Variants in SPICE1 observed in about 807,000 individuals in gnomAD.
SPICE1 encodes spindle and centriole-associated protein 1.
SPICE1 carries 75 observed loss-of-function variants against 102.7 expected under a neutral mutation model. The observed-to-expected ratio is 0.73, with a 90% CI of 0.61 to 0.88. The LOEUF (loss-of-function observed/expected upper bound fraction) is 0.88, where lower values mean the gene tolerates loss of function less well. Among genes scored for constraint, SPICE1 ranks in the 40% least tolerant of loss-of-function variants. The pLI is 0.00. For synonymous variants in SPICE1, 308 were observed against 350.3 expected (o/e 0.88, Z 1.35); for missense variants, 979 against 1,020.1 (o/e 0.96, Z 0.55).
Position 113,499,513 on chromosome 3 carries a change from A to G in SPICE1, c.217T>C (p.Leu73=). The G allele has an allele frequency of 6.2e-7, 1 of 1,613,296 alleles. No homozygotes were observed. The highest frequency in any genetic ancestry group is 8.5e-7 in the Non-Finnish European group (1 of 1,179,776). The change falls in exon 4 of 18, where the codon TTG becomes CTG. Residue 73 remains leucine, a synonymous_variant. Coordinates refer to ENST00000295872, the MANE Select transcript of SPICE1 (RefSeq NM_144718.4). The part of the protein sequence containing the change: ...LVHWELQEKA[L]KRKWRKQKPE... The stretch of plus-strand genomic sequence containing the variant: ...TTCTGCTTCCTCCATTTTCTCTTCA[A>G]AGCTTTTTCTTGGAGTTCCCAGTGT...
At chr3:113,495,221 T>C (rs1157236969) in intron 4 of SPICE1, among the ~76,000 whole-genome samples, 3 of 152,200 alleles carry the variant, frequency 2.0e-5, no homozygotes, top group Non-Finnish European at 4.4e-5. Flanking sequence ...CAGATGGCAT[T>C]CTCAAGTTAA....
chr3:113,496,419 A>AC (rs1936886578), intron 4 of SPICE1, among the ~76,000 whole-genome samples: 1 of 108,548 alleles, frequency 9.2e-6, no homozygotes, highest in Non-Finnish European at 1.9e-5. Context: ...CCCAGTCTCT[A>AC]CAAAAAAAAA....
intron 1 of SPICE1, among the ~76,000 whole-genome samples, chr3:113,511,840 T>C (rs1039380577): frequency 6.6e-6 from 1 of 152,058 alleles, no homozygotes; most frequent in African/African-American, 2.4e-5. Context: ...AGAAAGTATA[T>C]AGCTCAAAGT....
chr3:113,446,441 A>T (rs4619761), intron 17 of SPICE1, 148 bp downstream of exon 17: 53,263 of 677,954 alleles, frequency 0.079, 2,613 homozygotes, highest in Admixed American at 0.11. Flanking sequence ...TGTTTTTCCT[A>T]AAAAGGTAAA....
chr3:113,472,995 A>G (rs1936244580), intron 7 of SPICE1, among the ~76,000 whole-genome samples: 1 of 152,222 alleles, frequency 6.6e-6, no homozygotes, highest in Non-Finnish European at 1.5e-5. Context: ...TCCGAGCTAC[A>G]GGAGGAAATT....
Position 113,489,002 on chromosome 3 carries a change from TCA to T in SPICE1, c.552_553del (p.Ser184ArgfsTer3). On this transcript the variant is annotated frameshift_variant, in exon 7 of 18. Transcript: ENST00000295872. LOFTEE classifies it high-confidence loss of function. The stretch of plus-strand genomic sequence containing the variant: ...AGAGTTATCCAACTCATTCTCATTC[TCA>T]CTTTCTCCTGACTGGCTATTAACAG... 6.2e-7 allele frequency: 1 copy of T among 1,613,818 alleles called. No homozygotes were observed. Among genetic ancestry groups the T allele is most frequent in the Non-Finnish European group, 8.5e-7 (1 of 1,179,804 alleles).
chr3:113,491,660 AG>A (rs1936772651), intron 6 of SPICE1, among the ~76,000 whole-genome samples: 1 of 148,150 alleles, frequency 6.7e-6, no homozygotes. Context: ...GATTATCTAT[AG>A]CAACACCAAT....
chr3:113,500,205 G>A (rs751311397), intron 3 of SPICE1, among the ~76,000 whole-genome samples: 11 of 152,062 alleles, frequency 7.2e-5, no homozygotes, highest in Admixed American at 3.9e-4. Context: ...ACTAAGGTGG[G>A]TTCACTAAGG....
intron 15 of SPICE1, among the ~76,000 whole-genome samples, chr3:113,448,531 T>C (rs1393160200): frequency 6.6e-6 from 1 of 152,200 alleles, no homozygotes; most frequent in Non-Finnish European, 1.5e-5. Flanking sequence ...AGTAAAACTT[T>C]AAATCTTTTA....
At chr3:113,466,263 G>C (rs1288569433) in intron 10 of SPICE1, among the ~76,000 whole-genome samples, 2 of 152,122 alleles carry the variant, frequency 1.3e-5, no homozygotes, top group African/African-American at 4.8e-5. Flanking sequence ...TAAAGTAAAT[G>C]ACTACAACTT....
chr3:113,483,133 T>C (rs1031863056), intron 7 of SPICE1, among the ~76,000 whole-genome samples: 1 of 152,296 alleles, frequency 6.6e-6, no homozygotes, highest in Non-Finnish European at 1.5e-5. Flanking sequence ...CCCTTGTAAG[T>C]TGGATTCCTA....
chr3:113,489,662 A>G (rs1032031403), intron 6 of SPICE1, among the ~76,000 whole-genome samples: 1 of 152,060 alleles, frequency 6.6e-6, no homozygotes, highest in African/African-American at 2.4e-5. Context: ...CCTGAACAAC[A>G]TGGCGAAACC....
intron 7 of SPICE1, among the ~76,000 whole-genome samples, chr3:113,470,516 A>G (rs1311094202): frequency 6.6e-6 from 1 of 152,250 alleles, no homozygotes; most frequent in Non-Finnish European, 1.5e-5. Flanking sequence ...AAATACTGCT[A>G]GCTTAAATTG....
rs1199457017 is a variant in SPICE1, at chr3:113,444,114, GA to G, written c.*1192del. The G allele has an allele frequency of 4.6e-5, 7 of 152,070 alleles. No homozygotes were observed. The East Asian group carries it at 1.2e-3, about 25-fold the overall frequency. The allele number at this position is 152,070 out of a possible 1,614,324, so 9.4% of individuals were successfully genotyped here. A position where few individuals can be genotyped will look rare whatever the true frequency, so the allele number is the denominator to read the frequency against. On this transcript the variant is annotated 3_prime_UTR_variant, in exon 18 of 18. Transcript: ENST00000295872. ...AGTTTGAATTGTTCACTCAGGTTGA[GA>G]ATTCCTATCATAGAGCCAGGGAGCA...
At chr3:113,445,773 G>A (rs1935498164) in intron 17 of SPICE1, among the ~76,000 whole-genome samples, 1 of 152,046 alleles carries the variant, frequency 6.6e-6, no homozygotes, top group African/African-American at 2.4e-5. Flanking sequence ...TCCTAGAACT[G>A]GACAATTCGG....
intron 2 of SPICE1, among the ~76,000 whole-genome samples, chr3:113,505,819 T>C (rs1251322381): frequency 6.6e-6 from 1 of 151,864 alleles, no homozygotes; most frequent in Non-Finnish European, 1.5e-5. Context: ...GGCAGGAGGA[T>C]TGCTGGAGTC....
At chr3:113,508,439 G>A (rs772657215) in intron 1 of SPICE1, among the ~76,000 whole-genome samples, 11 of 152,034 alleles carry the variant, frequency 7.2e-5, no homozygotes, top group Admixed American at 2.0e-4. Flanking sequence ...TAAAAAATCC[G>A]ATTTAAAAAT....
chr3:113,498,488 A>G (rs536772526), intron 4 of SPICE1, among the ~76,000 whole-genome samples: 4 of 152,316 alleles, frequency 2.6e-5, no homozygotes, highest in Non-Finnish European at 4.4e-5. Flanking sequence ...GAATTACCCC[A>G]TAACATTTAA....
chr3:113,479,702 T>TC (rs1282853912), intron 7 of SPICE1, among the ~76,000 whole-genome samples: 1 of 152,170 alleles, frequency 6.6e-6, no homozygotes, highest in Non-Finnish European at 1.5e-5. Flanking sequence ...ATTACCTCAT[T>TC]CCTAAAGTAA....
Sources: allele counts gnomAD v4.1 joint callset (sites outside exome capture counted in the v4.1 genomes callset), GRCh38; gene constraint gnomAD v4.1.1; transcripts MANE v1.5; gene names NCBI Gene and HGNC (gene_info 2026-07-23, HGNC 2026-07-21).